ARFGEF3: variants seen among roughly 807,000 people sequenced by gnomAD.
ARFGEF3 encodes the protein ARFGEF family member 3, also known as brefeldin A-inhibited guanine nucleotide-exchange protein 3.
In ARFGEF3, 96 loss-of-function variants were observed where a neutral mutation model predicts 221.7. The observed-to-expected ratio is 0.43, with a 90% CI of 0.37 to 0.51. The LOEUF is 0.51. Ranked by LOEUF, ARFGEF3 falls within the 20% of genes least tolerant of loss-of-function variation. The pLI is 0.00. For synonymous variants in ARFGEF3, 1,145 were observed against 1,126.8 expected (o/e 1.02, Z -0.32); for missense variants, 2,410 against 2,789.9 (o/e 0.86, Z 3.07).
chr6:138,231,092 C>T (rs983222762), intron 5 of ARFGEF3, among the ~76,000 whole-genome samples: 1 of 151,998 alleles, frequency 6.6e-6, no homozygotes, highest in Non-Finnish European at 1.5e-5. Context: ...AGAGGGCTGC[C>T]AGGGATTGAG....
At chr6:138,209,316 C>T (rs749943661) in intron 3 of ARFGEF3, among the ~76,000 whole-genome samples, 3 of 152,130 alleles carry the variant, frequency 2.0e-5, no homozygotes, top group Non-Finnish European at 4.4e-5. Flanking sequence ...CCTCTTAGCA[C>T]GATCATTCTC....
At chr6:138,323,130 C>T (rs932185347) in intron 29 of ARFGEF3, among the ~76,000 whole-genome samples, 21 of 152,198 alleles carry the variant, frequency 1.4e-4, no homozygotes, top group Admixed American at 1.3e-3. Context: ...TACAAGTCTA[C>T]GTTTAATGAT....
intron 12 of ARFGEF3, among the ~76,000 whole-genome samples, chr6:138,265,963 C>G (rs1406887193): frequency 6.6e-6 from 1 of 152,024 alleles, no homozygotes; most frequent in African/African-American, 2.4e-5. Flanking sequence ...CACCTGCCAT[C>G]CCAGCACTTT....
chr6:138,305,691 C>A (rs964630220), intron 22 of ARFGEF3, among the ~76,000 whole-genome samples: 4 of 151,590 alleles, frequency 2.6e-5, no homozygotes, highest in Non-Finnish European at 5.9e-5. Context: ...GAATTTATCC[C>A]AGCAATGTAA....
intron 2 of ARFGEF3, among the ~76,000 whole-genome samples, chr6:138,183,653 C>T (rs1375103429): frequency 6.6e-5 from 10 of 152,136 alleles, no homozygotes; most frequent in Non-Finnish European, 1.3e-4. Flanking sequence ...GAACAGGACA[C>T]AAGCTCTCTT....
chr6:138,218,189 A>G, intron 4 of ARFGEF3: 1 of 1,613,966 alleles, frequency 6.2e-7, no homozygotes, highest in Non-Finnish European at 8.5e-7. Flanking sequence ...TGGAATAATC[A>G]ATGAACTCTG....
rs1780382812 is a variant in ARFGEF3, at chr6:138,339,118, A to G, written c.*2632A>G. On this transcript the variant is annotated 3_prime_UTR_variant, in exon 34 of 34. Coordinates refer to ENST00000251691, the MANE Select transcript of ARFGEF3 (RefSeq NM_020340.5). ...CCATCCACACTGACATCAGATTTCA[A>G]CCAGAACCATCACTGAGTGACAGCA... 2.6e-5 allele frequency: 4 copies of G among 152,320 alleles called. No homozygotes were observed. In the South Asian group the frequency reaches 8.3e-4, roughly 32 times the overall value. 9.4% of individuals were successfully genotyped at this position (152,320 alleles called of 1,614,324 possible).
chr6:138,188,737 A>C lies in ARFGEF3; in HGVS notation c.137+18024A>C, dbSNP rs536118150. Among the ~76,000 whole-genome samples the C allele has an allele frequency of 1.1e-3, 163 of 152,334 alleles. 2 individuals carry two copies. The highest frequency in any genetic ancestry group is 7.5e-3 in the South Asian group (36 of 4,830). ...TGAGAAACAGTCTTGTCTTCACATC[A>C]CATAGTGCCAGACCTGAGGCTACTT... On this transcript the variant is annotated intron_variant, in intron 2 of 33. Coordinates refer to ENST00000251691, the MANE Select transcript of ARFGEF3 (RefSeq NM_020340.5).
At position 138,262,905 on chromosome 6, in the gene ARFGEF3, C is replaced by A. The variant is rs200002613; in HGVS notation, c.1422C>A (p.Ile474=). 6.1e-5 allele frequency: 99 copies of A among 1,612,430 alleles called. No homozygotes were observed. The African/African-American group carries it at 1.2e-3, about 20-fold the overall frequency. ...GAEWSRDSME[I]NEADFRWQRR... is the part of the protein sequence containing the mutation. ...AGTGGAGCCGAGATTCCATGGAGAT[C>A]AATGAGGCTGACTTCCGCTGGCAGC... The change falls in exon 12 of 34, where the codon ATC becomes ATA. Residue 474 remains isoleucine (I), a synonymous_variant. Transcript: ENST00000251691.
intron 32 of ARFGEF3, among the ~76,000 whole-genome samples, chr6:138,332,935 T>C (rs78402957): frequency 0.013 from 1,975 of 152,338 alleles, 40 homozygotes; most frequent in African/African-American, 0.045. Context: ...TGTCATTTTC[T>C]GTTAGAAAAG....
chr6:138,192,891 A>C (rs972370469), intron 2 of ARFGEF3, among the ~76,000 whole-genome samples: 2 of 152,204 alleles, frequency 1.3e-5, no homozygotes, highest in African/African-American at 4.8e-5. Context: ...AATTTGACCA[A>C]GAGTAGTTTG....
chr6:138,247,264 G>A (rs1345730482), intron 8 of ARFGEF3, among the ~76,000 whole-genome samples: 1 of 152,156 alleles, frequency 6.6e-6, no homozygotes, highest in African/African-American at 2.4e-5. Flanking sequence ...CTGGCACTCA[G>A]ATTACCATCC....
intron 12 of ARFGEF3, among the ~76,000 whole-genome samples, chr6:138,270,958 G>A (rs1287442383): frequency 6.6e-6 from 1 of 152,188 alleles, no homozygotes; most frequent in Non-Finnish European, 1.5e-5. Flanking sequence ...TGAAGAGGAA[G>A]CCACAGACTC....
At chr6:138,177,433 A>C (rs1003197494) in intron 2 of ARFGEF3, among the ~76,000 whole-genome samples, 1 of 152,032 alleles carries the variant, frequency 6.6e-6, no homozygotes, top group Non-Finnish European at 1.5e-5. Flanking sequence ...TTTACTTTAG[A>C]CAGTCTAATT....
At chr6:138,333,685 G>A (rs1471757510) in intron 32 of ARFGEF3, among the ~76,000 whole-genome samples, 5 of 152,102 alleles carry the variant, frequency 3.3e-5, no homozygotes, top group South Asian at 2.1e-4. Context: ...CTCGTGATCC[G>A]CCCACCTCGG....
chr6:138,162,212 G>A lies in ARFGEF3; in HGVS notation c.85+41G>A. 1.3e-6 allele frequency: 2 copies of A among 1,513,780 alleles called. No homozygotes were observed. The highest frequency in any genetic ancestry group is 1.8e-6 in the Non-Finnish European group (2 of 1,106,934). 93.8% of individuals were successfully genotyped at this position (1,513,780 alleles called of 1,614,324 possible). ...CTGCTCGCCGCGGCGGGAGGGCCGC[G>A]CGGCCGGGGCTGAACCCGCGCCTCC... On this transcript the variant is annotated intron_variant, in intron 1 of 33. Transcript: ENST00000251691. The surrounding 1 kb of genome is among the most constrained non-coding windows in gnomAD (Gnocchi z 4.7).
Position 138,262,959 on chromosome 6 carries a change from G to C in ARFGEF3, c.1476G>C (p.Pro492=). The C allele has an allele frequency of 6.2e-7, 1 of 1,600,164 alleles. No individual in the cohort carries two copies. The highest frequency in any genetic ancestry group is 8.5e-7 in the Non-Finnish European group (1 of 1,173,314). ...QRRVLSSEHT[P]WESGNERSLD... ...GAGTGCTGTCCTCAGAACACACGCC[G>C]TGGGAGTCAGGGAACGAGAGGAGCC... is the stretch of plus-strand genomic sequence containing the variant. Residue 492 remains proline (P), a synonymous_variant, in exon 12 of 34, where the codon CCG becomes CCC. Transcript: ENST00000251691.
chr6:138,262,736 G>C lies in ARFGEF3; in HGVS notation c.1253G>C (p.Gly418Ala). The C allele has an allele frequency of 6.2e-7, 1 of 1,610,208 alleles. No homozygotes were observed. The highest frequency in any genetic ancestry group is 8.5e-7 in the Non-Finnish European group (1 of 1,176,732). The change falls in exon 12 of 34, where the codon GGT becomes GCT. Residue 418 changes from glycine (G) to alanine (A), a missense_variant. Gly to Ala is a moderately conservative substitution (Grantham distance 60). This residue lies in a region of ARFGEF3 where 570 missense variants were observed against 586.9 expected (regional missense o/e 0.97). Coordinates refer to ENST00000251691, the MANE Select transcript of ARFGEF3 (RefSeq NM_020340.5). ...GGCATGACCGAAGCATGCATCAAGG[G>C]TGGCATCGAAGCTTGCTATGCAGCC... is the stretch of plus-strand genomic sequence containing the variant. Reference protein sequence around the residue: ...MDGMTEACIKGGIEACYAAVS... With the variant: ...MDGMTEACIKAGIEACYAAVS...
intron 1 of ARFGEF3, among the ~76,000 whole-genome samples, chr6:138,164,484 A>G (rs1776682413): frequency 6.6e-6 from 1 of 152,206 alleles, no homozygotes. Flanking sequence ...CAATAGGATA[A>G]GTTGTTTGTC....
Sources: gnomAD v4.1 joint callset for allele counts (sites outside exome capture counted in the v4.1 genomes callset) on GRCh38, gnomAD v4.1.1 for gene constraint, gnomAD v4.1.1 regional missense constraint, Gnocchi (gnomAD v3.1) non-coding constraint, MANE v1.5 for transcripts, NCBI Gene and HGNC (gene_info 2026-07-23, HGNC 2026-07-21) for gene names.